Variants in SLC35D4 observed in about 807,000 individuals in gnomAD.
SLC35D4 encodes solute carrier family 35 member D4.
the SLC35D4 span, among the ~76,000 whole-genome samples, chr18:23,383,683 G>A: frequency 6.6e-6 from 1 of 152,038 alleles, no homozygotes; most frequent in East Asian, 1.9e-4. Flanking sequence ...GGATGGTTTT[G>A]TAAACACACC....
At chr18:23,399,931 T>C in the SLC35D4 span, among the ~76,000 whole-genome samples, 1 of 152,204 alleles carries the variant, frequency 6.6e-6, no homozygotes, top group African/African-American at 2.4e-5. Context: ...ACAGATCTGG[T>C]TTTTTCCAAG....
the SLC35D4 span, among the ~76,000 whole-genome samples, chr18:23,352,569 G>A: frequency 6.6e-6 from 1 of 152,216 alleles, no homozygotes; most frequent in Non-Finnish European, 1.5e-5. Context: ...AAAAAAGGTG[G>A]AGGACAACAC....
chr18:23,414,660 G>GA, the SLC35D4 span, among the ~76,000 whole-genome samples: 1 of 149,546 alleles, frequency 6.7e-6, no homozygotes, highest in Non-Finnish European at 1.5e-5. Flanking sequence ...GTGACAGAGC[G>GA]AAACTCCATC....
chr18:23,430,315 C>T, the SLC35D4 span, among the ~76,000 whole-genome samples: 1 of 152,022 alleles, frequency 6.6e-6, no homozygotes, highest in Non-Finnish European at 1.5e-5. Flanking sequence ...CTCCTACAAT[C>T]CTCTTGCCTC....
the SLC35D4 span, among the ~76,000 whole-genome samples, chr18:23,317,183 C>A: frequency 7.0e-6 from 1 of 143,704 alleles, no homozygotes; most frequent in Non-Finnish European, 1.5e-5. Flanking sequence ...ACACACACAC[C>A]CCACTAATAT....
the SLC35D4 span, among the ~76,000 whole-genome samples, chr18:23,418,386 T>A: frequency 1.7e-4 from 19 of 113,730 alleles, no homozygotes; most frequent in East Asian, 8.3e-4. Flanking sequence ...TATTATTATT[T>A]TTTGAGACAG....
chr18:23,356,551 C>T, the SLC35D4 span: 9 of 1,599,466 alleles, frequency 5.6e-6, no homozygotes, highest in Middle Eastern at 1.7e-4. This position sits in a 1 kb window ranked among gnomAD's most constrained non-coding sequence, Gnocchi z 4.1. Context: ...GAAGACACAG[C>T]GGACAGCACA....
At chr18:23,322,225 T>C in the SLC35D4 span, among the ~76,000 whole-genome samples, 1 of 152,092 alleles carries the variant, frequency 6.6e-6, no homozygotes, top group Admixed American at 6.6e-5. Flanking sequence ...TCTCCACGTG[T>C]TGTGGTTTAG....
At chr18:23,260,092 G>T in the SLC35D4 span, 1 of 152,244 alleles carries the variant, frequency 6.6e-6, no homozygotes, top group East Asian at 1.9e-4. Context: ...GCCCCCAGGA[G>T]GAAACGGGCA....
chr18:23,336,578 C>T, the SLC35D4 span, among the ~76,000 whole-genome samples: 1 of 152,184 alleles, frequency 6.6e-6, no homozygotes, highest in African/African-American at 2.4e-5. Flanking sequence ...AATGTATTTT[C>T]ATCAGACCCT....
At chr18:23,352,726 G>A in the SLC35D4 span, among the ~76,000 whole-genome samples, 1 of 152,198 alleles carries the variant, frequency 6.6e-6, no homozygotes, top group Non-Finnish European at 1.5e-5. Context: ...TGGCCTCCAG[G>A]CTCAAAAGAA....
At chr18:23,360,999 G>A in the SLC35D4 span, among the ~76,000 whole-genome samples, 1 of 149,648 alleles carries the variant, frequency 6.7e-6, no homozygotes, top group African/African-American at 2.5e-5. Flanking sequence ...CTACTTGGGA[G>A]GCTGACACAG....
the SLC35D4 span, among the ~76,000 whole-genome samples, chr18:23,276,771 G>A: frequency 5.4e-4 from 82 of 152,228 alleles, no homozygotes; most frequent in Admixed American, 1.0e-3. Context: ...GGAGGGACCC[G>A]CAGAGCCAGC....
the SLC35D4 span, among the ~76,000 whole-genome samples, chr18:23,435,770 A>G: frequency 4.6e-5 from 7 of 152,284 alleles, no homozygotes; most frequent in Non-Finnish European, 1.0e-4. Context: ...ATCTCCACTC[A>G]CTGCAACCTC....
the SLC35D4 span, among the ~76,000 whole-genome samples, chr18:23,314,285 A>G: frequency 6.4e-4 from 97 of 152,344 alleles, no homozygotes; most frequent in African/African-American, 2.3e-3. Context: ...CACTTGCTCC[A>G]CAGTTAATCA....
At chr18:23,247,582 T>C in the SLC35D4 span, among the ~76,000 whole-genome samples, 1 of 152,138 alleles carries the variant, frequency 6.6e-6, no homozygotes, top group South Asian at 2.1e-4. Flanking sequence ...GCTGTCGACA[T>C]CAAGTGGATG....
At chr18:23,356,678 A>T in the SLC35D4 span, 1 of 1,613,592 alleles carries the variant, frequency 6.2e-7, no homozygotes, top group Non-Finnish European at 8.5e-7. The surrounding 1 kb of genome is among the most constrained non-coding windows in gnomAD (Gnocchi z 4.1). Context: ...GGGGAACAGC[A>T]ATGGTGAAAC....
chr18:23,269,337 T>C, the SLC35D4 span, among the ~76,000 whole-genome samples: 1 of 152,248 alleles, frequency 6.6e-6, no homozygotes, highest in Non-Finnish European at 1.5e-5. Context: ...GCACTTCTCC[T>C]TCCTGCCACC....
At chr18:23,435,463 C>T in the SLC35D4 span, among the ~76,000 whole-genome samples, 2 of 152,144 alleles carry the variant, frequency 1.3e-5, no homozygotes, top group Non-Finnish European at 2.9e-5. Flanking sequence ...TTCACAAATT[C>T]ACAAATTTCT....
Sources: allele counts gnomAD v4.1 joint callset (sites outside exome capture counted in the v4.1 genomes callset), GRCh38; gene constraint gnomAD v4.1.1; non-coding constraint Gnocchi (gnomAD v3.1); transcripts MANE v1.5; gene names NCBI Gene and HGNC (gene_info 2026-07-23, HGNC 2026-07-21).